Variants in ROBO2 observed in about 807,000 individuals in gnomAD.
ROBO2 encodes the protein roundabout homolog 2.
A neutral mutation model predicts 160.8 loss-of-function variants in ROBO2; 53 were observed. The observed-to-expected ratio is 0.33, with a 90% CI of 0.26 to 0.41. The LOEUF is 0.41. Ranked by LOEUF, ROBO2 falls within the 10% of genes least tolerant of loss-of-function variation. ROBO2 has a pLI of 1.00. For missense variants in ROBO2, 1,577 were observed against 1,722.4 expected (o/e 0.92, Z 1.49); for synonymous variants, 664 against 611.7 (o/e 1.09, Z -1.26).
chr3:77,577,360 C>A, intron 14 of ROBO2, 130 bp from the exon 16 acceptor site: 2 of 1,064,860 alleles, frequency 1.9e-6, no homozygotes, highest in Non-Finnish European at 2.9e-6. Context: ...CACTGTTGAA[C>A]ACCGTGTGCA....
At chr3:76,108,698 GT>G (rs1200731917) in intron 2 of ROBO2, among the ~76,000 whole-genome samples, 1 of 151,430 alleles carries the variant, frequency 6.6e-6, no homozygotes, top group African/African-American at 2.4e-5. Context: ...ATTACAAATA[GT>G]TTTTTTAAGT....
At chr3:77,492,280 A>T (rs1346715872) in intron 4 of ROBO2, among the ~76,000 whole-genome samples, 1 of 152,224 alleles carries the variant, frequency 6.6e-6, no homozygotes. Context: ...CAATTTTTCC[A>T]GTCTCAGACC....
chr3:77,133,371 C>T (rs1334428425), intron 2 of ROBO2, among the ~76,000 whole-genome samples: 2 of 152,172 alleles, frequency 1.3e-5, no homozygotes, highest in African/African-American at 4.8e-5. Flanking sequence ...CTATGAATTG[C>T]ATCATGCCTT....
At chr3:76,539,757 C>T (rs1331287470) in intron 2 of ROBO2, among the ~76,000 whole-genome samples, 1 of 152,120 alleles carries the variant, frequency 6.6e-6, no homozygotes, top group Non-Finnish European at 1.5e-5. Context: ...AAGCTGAAAG[C>T]ATTAAAACTT....
chr3:76,542,041 T>G (rs1050287483), intron 2 of ROBO2, among the ~76,000 whole-genome samples: 1 of 152,174 alleles, frequency 6.6e-6, no homozygotes, highest in African/African-American at 2.4e-5. Flanking sequence ...AGTGCCCACT[T>G]AAGTGCAGTA....
chr3:76,648,592 A>G lies in ROBO2; in HGVS notation c.110-449422A>G, dbSNP rs938522886. Among the ~76,000 whole-genome samples the G allele has an allele frequency of 3.5e-4, 53 of 152,082 alleles. 1 individual carries two copies. Among genetic ancestry groups the G allele is most frequent in the Non-Finnish European group, 5.7e-4 (39 of 67,968 alleles). On this transcript the variant is annotated intron_variant, in intron 2 of 26. Transcript: ENST00000487694. ...TGTGATTATATAGGAAAATGCTGCC[A>G]TATTTAGAGTAAACTGACATGATGT...
chr3:77,003,540 C>T (rs2061431408), intron 2 of ROBO2, among the ~76,000 whole-genome samples: 1 of 152,038 alleles, frequency 6.6e-6, no homozygotes, highest in Non-Finnish European at 1.5e-5. Context: ...GGTAGACTTT[C>T]CAGACATGGA....
chr3:76,594,580 T>C lies in ROBO2; in HGVS notation c.110-503434T>C, dbSNP rs199883469. Among the ~76,000 whole-genome samples, 3 of 152,162 alleles carry C rather than the reference T, an allele frequency of 2.0e-5. No individual in the cohort carries two copies. In the East Asian group the frequency reaches 5.8e-4, roughly 29 times the overall value. The stretch of plus-strand genomic sequence containing the variant: ...ATTCCCCTGTTCACTTTCTATTTCC[T>C]TACTTTTATTTTTGTTACTTTGTCT... On this transcript the variant is annotated intron_variant, in intron 2 of 26. Transcript: ENST00000487694.
intron 3 of ROBO2, among the ~76,000 whole-genome samples, chr3:77,477,836 T>TTA: frequency 7.2e-6 from 1 of 139,686 alleles, no homozygotes. Flanking sequence ...AGCTCTTTTT[T>TTA]TTTTTTTTTT....
At chr3:76,345,893 G>T (rs2074501488) in intron 2 of ROBO2, among the ~76,000 whole-genome samples, 2 of 151,964 alleles carry the variant, frequency 1.3e-5, no homozygotes. Context: ...AGTTTGTATT[G>T]TCAGGTATTT....
intron 2 of ROBO2, among the ~76,000 whole-genome samples, chr3:77,454,871 A>G (rs139389563): frequency 6.6e-6 from 1 of 152,340 alleles, no homozygotes; most frequent in East Asian, 1.9e-4. Context: ...GAATTATCAT[A>G]GTTTGAAGAT....
chr3:76,081,482 A>G (rs1051000875), intron 2 of ROBO2, among the ~76,000 whole-genome samples: 1 of 152,176 alleles, frequency 6.6e-6, no homozygotes, highest in African/African-American at 2.4e-5. Context: ...CAATAATAAA[A>G]ATAATAAATA....
intron 2 of ROBO2, among the ~76,000 whole-genome samples, chr3:76,351,095 T>A (rs1161468461): frequency 6.6e-6 from 1 of 151,946 alleles, no homozygotes; most frequent in African/African-American, 2.4e-5. Context: ...TCAAGTGAAT[T>A]TTCCTCAACC....
chr3:76,524,865 A>AAAAAAAAAAAAATAT (rs1560091318), intron 2 of ROBO2, among the ~76,000 whole-genome samples: 1 of 116,018 alleles, frequency 8.6e-6, no homozygotes, highest in South Asian at 2.7e-4. Context: ...AAAAAAAAAA[A>AAAAAAAAAAAAATAT]ATAAGTAAAA....
chr3:77,580,932 T>C (rs1187605590), intron 16 of ROBO2, among the ~76,000 whole-genome samples: 1 of 152,150 alleles, frequency 6.6e-6, no homozygotes, highest in Non-Finnish European at 1.5e-5. Flanking sequence ...ATTCAAATTG[T>C]TATATAATTT....
intron 2 of ROBO2, among the ~76,000 whole-genome samples, chr3:77,435,515 T>A (rs1021713835): frequency 1.3e-5 from 2 of 151,770 alleles, no homozygotes; most frequent in East Asian, 1.9e-4. Context: ...AATTTCAAAT[T>A]TTTTTTCCAT....
At chr3:76,386,007 A>G (rs937601546) in intron 2 of ROBO2, among the ~76,000 whole-genome samples, 1 of 152,184 alleles carries the variant, frequency 6.6e-6, no homozygotes, top group African/African-American at 2.4e-5. Context: ...TGATTTAATG[A>G]AACAAATTTT....
intron 2 of ROBO2, among the ~76,000 whole-genome samples, chr3:76,509,480 G>A (rs1396823273): frequency 2.0e-5 from 3 of 152,056 alleles, no homozygotes; most frequent in African/African-American, 7.2e-5. Flanking sequence ...CTAAGCAAAA[G>A]GTCACCCTTG....
intron 2 of ROBO2, among the ~76,000 whole-genome samples, chr3:76,655,368 A>G (rs1425912609): frequency 7.1e-6 from 1 of 140,690 alleles, no homozygotes; most frequent in Non-Finnish European, 1.5e-5. Context: ...GCTAATATTT[A>G]TAAAAACAAA....
Sources: gnomAD v4.1 joint callset for allele counts (sites outside exome capture counted in the v4.1 genomes callset) on GRCh38, gnomAD v4.1.1 for gene constraint, MANE v1.5 for transcripts, NCBI Gene and HGNC (gene_info 2026-07-23, HGNC 2026-07-21) for gene names.